FOXP2: variants seen among roughly 807,000 people sequenced by gnomAD.
FOXP2 encodes the protein forkhead box protein P2.
In FOXP2, 12 loss-of-function variants were observed where a neutral mutation model predicts 115.8. The ratio of observed to expected loss-of-function variants is 0.10; its 90% CI spans 0.07 to 0.17. The LOEUF is 0.17. Among genes scored for constraint, FOXP2 ranks in the 10% least tolerant of loss-of-function variants. The probability of loss-of-function intolerance (pLI) is 1.00; values close to 1 mark genes in which losing one functional copy is unlikely to be tolerated. For synonymous variants in FOXP2, 328 were observed against 297.7 expected, an observed-to-expected ratio of 1.10 and a Z score of -1.05; for missense variants, 629 against 843.5, an observed-to-expected ratio of 0.75 and a Z score of 3.15.
chr7:114,370,838 A>G (rs1454205396), intron 2 of FOXP2, among the ~76,000 whole-genome samples: 1 of 152,158 alleles, frequency 6.6e-6, no homozygotes, highest in African/African-American at 2.4e-5. Context: ...TTTAAATAGA[A>G]CAGGTTTCTC....
At position 114,255,011 on chromosome 7, in the gene FOXP2, A is replaced by G. The variant is rs540025341; in HGVS notation, c.-101-33008A>G. ...CTATTTGTTAGTTTTCCTTCTAACA[A>G]TCAGGACCCTCAGCTGCAGGTCTGT... On this transcript the variant is annotated intron_variant, in intron 1 of 17. Coordinates refer to the FOXP2 transcript ENST00000634411. Among the ~76,000 whole-genome samples, 6 of 152,278 alleles carry G rather than the reference A, an allele frequency of 3.9e-5. No individual in the cohort carries two copies. The South Asian group carries it at 8.3e-4, about 21-fold the overall frequency.
At chr7:114,670,015 A>G (rs911446526) in intron 16 of FOXP2, 10 of 152,012 alleles carry the variant, frequency 6.6e-5, no homozygotes, top group African/African-American at 2.4e-4. Context: ...TTTACTCACA[A>G]AGCCTCCCAT....
intron 2 of FOXP2, among the ~76,000 whole-genome samples, chr7:114,515,545 G>A (rs1335383898): frequency 1.9e-4 from 29 of 152,138 alleles, no homozygotes; most frequent in African/African-American, 4.6e-4. Flanking sequence ...CATGTCCTTT[G>A]CCCACTTTTT....
At chr7:114,148,854 A>G (rs1792455591) in intron 1 of FOXP2, among the ~76,000 whole-genome samples, 1 of 152,092 alleles carries the variant, frequency 6.6e-6, no homozygotes, top group Admixed American at 6.6e-5. Context: ...CTCCGTTTCT[A>G]CTGTTCTAGT....
At chr7:114,476,621 T>C (rs901149537) in intron 2 of FOXP2, among the ~76,000 whole-genome samples, 1 of 152,054 alleles carries the variant, frequency 6.6e-6, no homozygotes, top group Non-Finnish European at 1.5e-5. Context: ...TTTGGTTCCA[T>C]ATGAATTTTA....
Position 114,688,345 on chromosome 7 carries a change from G to A in FOXP2, c.2004-1437G>A, listed in dbSNP as rs558392902. Among the ~76,000 whole-genome samples the A allele has an allele frequency of 3.4e-5, 5 of 148,960 alleles. No homozygotes were observed. In the East Asian group the frequency reaches 9.9e-4, roughly 29 times the overall value. ...ACTAACACCAAACAACAAAAACAAA[G>A]GCTAAAGCAAAACAAAACCTAGAGT... On this transcript the variant is annotated intron_variant, in intron 16 of 16. Transcript: ENST00000350908.
intron 16 of FOXP2, chr7:114,667,365 G>A (rs555082647): frequency 5.9e-5 from 9 of 152,220 alleles, no homozygotes; most frequent in African/African-American, 2.2e-4. Flanking sequence ...GGATTTCGAG[G>A]TTACAGTAAG....
At chr7:114,152,015 C>G (rs1792541041) in intron 1 of FOXP2, among the ~76,000 whole-genome samples, 1 of 152,076 alleles carries the variant, frequency 6.6e-6, no homozygotes, top group South Asian at 2.1e-4. Context: ...TCATTATCTT[C>G]AAGATCTAAA....
chr7:114,607,562 A>T (rs376060387), intron 3 of FOXP2, among the ~76,000 whole-genome samples: 191 of 152,322 alleles, frequency 1.3e-3, no homozygotes, highest in African/African-American at 4.4e-3. Context: ...TGTTAGAATT[A>T]AATTTTGCTT....
intron 1 of FOXP2, among the ~76,000 whole-genome samples, chr7:114,175,961 A>G (rs1793278156): frequency 6.6e-6 from 1 of 152,216 alleles, no homozygotes; most frequent in Non-Finnish European, 1.5e-5. Context: ...GCCACAAAAT[A>G]GTAAATGTTG....
chr7:114,557,251 T>C (rs1800510629), intron 3 of FOXP2, among the ~76,000 whole-genome samples: 1 of 152,186 alleles, frequency 6.6e-6, no homozygotes, highest in South Asian at 2.1e-4. Flanking sequence ...GCTGGTTTAA[T>C]ATGTTGTGCC....
chr7:114,587,397 T>C (rs897326961), intron 3 of FOXP2, among the ~76,000 whole-genome samples: 3 of 152,184 alleles, frequency 2.0e-5, no homozygotes, highest in African/African-American at 7.2e-5. Flanking sequence ...CTGAGAATAA[T>C]GGCGTCCAGC....
chr7:114,159,511 A>C (rs1346159108), upstream of FOXP2, among the ~76,000 whole-genome samples: 1 of 152,154 alleles, frequency 6.6e-6, no homozygotes. Context: ...AGAAAAAAAC[A>C]GTAATTTATT....
chr7:114,282,062 C>A (rs1052570752), intron 1 of FOXP2, among the ~76,000 whole-genome samples: 1 of 152,106 alleles, frequency 6.6e-6, no homozygotes, highest in Non-Finnish European at 1.5e-5. Flanking sequence ...AATTAAAGTA[C>A]CTATGCTTAG....
intron 2 of FOXP2, among the ~76,000 whole-genome samples, chr7:114,344,133 T>C (rs1791282350): frequency 2.0e-5 from 3 of 151,708 alleles, no homozygotes. Context: ...TCTGTTGTTA[T>C]AGTACCTATA....
chr7:114,189,030 A>T (rs1433008751), intron 1 of FOXP2, among the ~76,000 whole-genome samples: 3 of 152,206 alleles, frequency 2.0e-5, no homozygotes, highest in African/African-American at 7.2e-5. Context: ...AGAAATGAAA[A>T]GTAATAGTTC....
chr7:114,383,752 A>T (rs916114716), intron 2 of FOXP2, among the ~76,000 whole-genome samples: 3 of 152,176 alleles, frequency 2.0e-5, no homozygotes, highest in Non-Finnish European at 2.9e-5. Flanking sequence ...TCCAGAATAC[A>T]TCTTACGGGC....
intron 2 of FOXP2, among the ~76,000 whole-genome samples, chr7:114,320,770 T>C (rs552426576): frequency 6.6e-6 from 1 of 152,144 alleles, no homozygotes; most frequent in African/African-American, 2.4e-5. Context: ...GGCCCCTCCC[T>C]GCAGAGGGAC....
chr7:114,148,409 G>C (rs1476208218), intron 1 of FOXP2, among the ~76,000 whole-genome samples: 1 of 151,956 alleles, frequency 6.6e-6, no homozygotes, highest in Non-Finnish European at 1.5e-5. Context: ...ACGTTTGGCT[G>C]TTCTCTTTTG....
Sources: gnomAD v4.1 joint callset for allele counts (sites outside exome capture counted in the v4.1 genomes callset) on GRCh38, gnomAD v4.1.1 for gene constraint, MANE v1.5 for transcripts, NCBI Gene and HGNC (gene_info 2026-07-23, HGNC 2026-07-21) for gene names.